Variants in TFDP2 observed in about 807,000 individuals in gnomAD.
TFDP2 encodes the protein transcription factor Dp-2.
In TFDP2, 17 loss-of-function variants were observed where a neutral mutation model predicts 59.3. That is an observed-to-expected ratio of 0.29 (90% CI 0.20 to 0.43). The LOEUF (loss-of-function observed/expected upper bound fraction) is 0.43. TFDP2 is among the 20% of genes least tolerant of loss of function. The pLI is 1.00. For synonymous variants in TFDP2, 180 were observed against 194.7 expected, an observed-to-expected ratio of 0.92 and a Z score of 0.63; for missense variants, 391 against 528.8, an observed-to-expected ratio of 0.74 and a Z score of 2.56.
At chr3:141,992,558 A>T (rs1410448862) in intron 6 of TFDP2, among the ~76,000 whole-genome samples, 1 of 152,254 alleles carries the variant, frequency 6.6e-6, no homozygotes, top group Non-Finnish European at 1.5e-5. Flanking sequence ...AAACACCAGT[A>T]AAGACCAGTT....
chr3:141,982,827 G>A (rs1941634808), intron 6 of TFDP2, among the ~76,000 whole-genome samples: 1 of 152,142 alleles, frequency 6.6e-6, no homozygotes, highest in Non-Finnish European at 1.5e-5. Context: ...TCAGTTCAGT[G>A]CATAAATTGA....
intron 1 of TFDP2, among the ~76,000 whole-genome samples, chr3:142,139,925 TG>T (rs2062876855): frequency 6.6e-6 from 1 of 152,202 alleles, no homozygotes; most frequent in Admixed American, 6.5e-5. Flanking sequence ...CTTGCTAGGT[TG>T]GGGAAGTTCT....
intron 6 of TFDP2, among the ~76,000 whole-genome samples, chr3:141,982,018 A>C (rs1941535865): frequency 6.6e-6 from 1 of 152,198 alleles, no homozygotes; most frequent in Admixed American, 6.5e-5. Flanking sequence ...TAAACCTCCT[A>C]ATCAGCACTG....
At chr3:141,971,454 CAGG>C (rs1338296095) in intron 8 of TFDP2, among the ~76,000 whole-genome samples, 4 of 151,128 alleles carry the variant, frequency 2.6e-5, no homozygotes, top group East Asian at 1.9e-4. Context: ...GAGGCTGAGG[CAGG>C]AGAATTGCTC....
intron 9 of TFDP2, among the ~76,000 whole-genome samples, chr3:141,964,665 A>G (rs1004400299): frequency 1.3e-5 from 2 of 151,938 alleles, no homozygotes; most frequent in African/African-American, 4.8e-5. Flanking sequence ...ACAAAACAAA[A>G]AAAAACTCAT....
At chr3:142,028,476 G>C in intron 3 of TFDP2, 1 of 786,228 alleles carries the variant, frequency 1.3e-6, no homozygotes, top group African/African-American at 2.0e-5. Flanking sequence ...AAATCAGCGT[G>C]CTCCTGGCTA....
intron 1 of TFDP2, among the ~76,000 whole-genome samples, chr3:142,123,416 G>T (rs2062122808): frequency 1.3e-5 from 2 of 152,184 alleles, no homozygotes; most frequent in South Asian, 2.1e-4. Flanking sequence ...TTAGAGGCGT[G>T]AGCCATCGCG....
At chr3:142,131,462 T>C (rs779729068) in intron 1 of TFDP2, among the ~76,000 whole-genome samples, 1 of 149,960 alleles carries the variant, frequency 6.7e-6, no homozygotes, top group Admixed American at 6.6e-5. Context: ...CTAAGAGACA[T>C]AGGCAGAAAT....
chr3:141,957,707 A>G (rs1027638054), intron 11 of TFDP2, among the ~76,000 whole-genome samples: 2 of 152,234 alleles, frequency 1.3e-5, no homozygotes, highest in African/African-American at 4.8e-5. Flanking sequence ...GAAAGAAGCT[A>G]TCCACAAAAT....
At chr3:142,016,668 A>T (rs1485550499) in intron 3 of TFDP2, among the ~76,000 whole-genome samples, 1 of 152,232 alleles carries the variant, frequency 6.6e-6, no homozygotes, top group African/African-American at 2.4e-5. Context: ...AAAATCCATC[A>T]TTAAAATAAA....
At chr3:142,104,741 A>G (rs1453470556) in intron 1 of TFDP2, among the ~76,000 whole-genome samples, 3 of 152,212 alleles carry the variant, frequency 2.0e-5, no homozygotes, top group East Asian at 3.8e-4. Flanking sequence ...GGGTATATTT[A>G]TATTTCTTTT....
Position 142,039,657 on chromosome 3 carries a change from A to G in TFDP2, c.83-34113T>C, listed in dbSNP as rs188127731. Among the ~76,000 whole-genome samples the G allele has an allele frequency of 3.3e-5, 5 of 152,324 alleles. No individual in the cohort carries two copies. In the East Asian group the frequency reaches 9.6e-4, roughly 29 times the overall value. On this transcript the variant is annotated intron_variant, in intron 3 of 12. Transcript: ENST00000489671. ...AGATTAAGTACCACCCCTGGGGTTCAAATGAACAGGGACTGCCTAAAGCTA... is the reference window on the plus strand; with the variant it reads ...AGATTAAGTACCACCCCTGGGGTTCGAATGAACAGGGACTGCCTAAAGCTA...
At chr3:142,094,398 G>A (rs781034192) in intron 2 of TFDP2, among the ~76,000 whole-genome samples, 40 of 150,676 alleles carry the variant, frequency 2.7e-4, no homozygotes, top group Non-Finnish European at 5.5e-4. Flanking sequence ...TCCGCCTCCC[G>A]GGTTCAAGTG....
chr3:142,133,525 T>C (rs1017483147), intron 1 of TFDP2, among the ~76,000 whole-genome samples: 3 of 149,802 alleles, frequency 2.0e-5, no homozygotes, highest in Admixed American at 6.6e-5. Flanking sequence ...TTTGTTTGTT[T>C]GGTTTTTTGT....
chr3:141,989,619 A>C (rs574247960), intron 6 of TFDP2: 1 of 152,246 alleles, frequency 6.6e-6, no homozygotes, highest in South Asian at 2.1e-4. Flanking sequence ...CCAGCTGCTA[A>C]AAGTCTTTAT....
intron 3 of TFDP2, among the ~76,000 whole-genome samples, chr3:142,088,239 A>G (rs372698201): frequency 6.6e-6 from 1 of 152,166 alleles, no homozygotes; most frequent in African/African-American, 2.4e-5. Flanking sequence ...AACAATCTTT[A>G]TATGTGTCTC....
chr3:141,971,849 A>G (rs1447543546), intron 8 of TFDP2, among the ~76,000 whole-genome samples: 1 of 152,154 alleles, frequency 6.6e-6, no homozygotes, highest in Non-Finnish European at 1.5e-5. Flanking sequence ...CTGCTTCTCT[A>G]TCTTTAAAAC....
chr3:141,964,893 A>T (rs892120876), intron 9 of TFDP2, among the ~76,000 whole-genome samples: 2 of 152,142 alleles, frequency 1.3e-5, no homozygotes, highest in Non-Finnish European at 2.9e-5. Context: ...TATAAGATAC[A>T]TCAAGGCCTA....
chr3:141,982,995 A>G (rs1236469642), intron 6 of TFDP2, among the ~76,000 whole-genome samples: 1 of 152,232 alleles, frequency 6.6e-6, no homozygotes, highest in Non-Finnish European at 1.5e-5. Context: ...TGCATATAAC[A>G]TATGGTACAC....
Sources: allele counts gnomAD v4.1 joint callset (sites outside exome capture counted in the v4.1 genomes callset), GRCh38; gene constraint gnomAD v4.1.1; transcripts MANE v1.5; gene names NCBI Gene and HGNC (gene_info 2026-07-23, HGNC 2026-07-21).